The following PTPRD variants were observed in gnomAD, a reference collection of about 807,000 sequenced individuals.
PTPRD encodes receptor-type tyrosine-protein phosphatase delta.
In PTPRD, 34 loss-of-function variants were observed where a neutral mutation model predicts 214.5. The ratio of observed to expected loss-of-function variants is 0.16; its 90% CI spans 0.12 to 0.21. The LOEUF (loss-of-function observed/expected upper bound fraction) is 0.21, where lower values mean the gene tolerates loss of function less well. PTPRD is among the 10% of genes least tolerant of loss of function. The probability of loss-of-function intolerance (pLI) is 1.00; values close to 1 mark genes in which losing one functional copy is unlikely to be tolerated. For synonymous variants in PTPRD, 1,128 were observed against 845.7 expected (o/e 1.33, Z -5.79); for missense variants, 2,545 against 2,398.7 (o/e 1.06, Z -1.27).
At chr9:8,429,359 T>G (rs1158638832) in intron 35 of PTPRD, among the ~76,000 whole-genome samples, 3 of 152,130 alleles carry the variant, frequency 2.0e-5, no homozygotes, top group Non-Finnish European at 4.4e-5. Flanking sequence ...GCTCCTTACC[T>G]CTATGATGGG....
intron 9 of PTPRD, among the ~76,000 whole-genome samples, chr9:9,271,267 A>G (rs1942799352): frequency 6.6e-6 from 1 of 150,894 alleles, no homozygotes; most frequent in East Asian, 2.0e-4. Flanking sequence ...TTTTTCCTTC[A>G]AACTTATTTT....
intron 9 of PTPRD, among the ~76,000 whole-genome samples, chr9:9,233,339 A>G (rs1218821289): frequency 6.6e-6 from 1 of 152,176 alleles, no homozygotes; most frequent in East Asian, 1.9e-4. Context: ...ACTGCCCCCA[A>G]GATTCAATTA....
At chr9:9,198,902 G>A (rs1449548149) in intron 9 of PTPRD, among the ~76,000 whole-genome samples, 1 of 152,148 alleles carries the variant, frequency 6.6e-6, no homozygotes, top group Admixed American at 6.6e-5. Flanking sequence ...GTCTGCTTTT[G>A]ATTCTAAGGT....
chr9:10,394,697 G>A (rs1481917013), intron 2 of PTPRD, among the ~76,000 whole-genome samples: 2 of 151,316 alleles, frequency 1.3e-5, no homozygotes, highest in African/African-American at 4.9e-5. Flanking sequence ...TGACATCTGG[G>A]GCACAATTTT....
intron 3 of PTPRD, among the ~76,000 whole-genome samples, chr9:10,329,153 T>C (rs371633474): frequency 1.3e-5 from 2 of 151,790 alleles, no homozygotes; most frequent in Admixed American, 6.6e-5. Context: ...CTTTCCCATA[T>C]ATTCTTTTTA....
chr9:8,907,063 C>G (rs1405971958), intron 11 of PTPRD, among the ~76,000 whole-genome samples: 1 of 152,058 alleles, frequency 6.6e-6, no homozygotes, highest in Non-Finnish European at 1.5e-5. Flanking sequence ...TATCTATCAG[C>G]AGATGACATC....
intron 2 of PTPRD, among the ~76,000 whole-genome samples, chr9:10,471,292 TAATAAAAAATA>T (rs775467119): frequency 3.9e-4 from 60 of 152,196 alleles, no homozygotes; most frequent in Admixed American, 7.2e-4. Context: ...ACTTAAACTA[TAATAAAAAATA>T]AATAAAATAA....
At chr9:8,761,470 A>G (rs1373704173) in intron 11 of PTPRD, among the ~76,000 whole-genome samples, 1 of 152,192 alleles carries the variant, frequency 6.6e-6, no homozygotes, top group African/African-American at 2.4e-5. Context: ...TATAATGACC[A>G]TGGATGGAGA....
At chr9:8,485,637 A>T in intron 28 of PTPRD, 125 bp downstream of exon 28, 1 of 868,586 alleles carries the variant, frequency 1.2e-6, no homozygotes, top group Non-Finnish European at 1.7e-6. Flanking sequence ...TACATACTTT[A>T]CCTTTTTGTT....
At chr9:9,282,181 T>G (rs905072847) in intron 9 of PTPRD, among the ~76,000 whole-genome samples, 1 of 151,262 alleles carries the variant, frequency 6.6e-6, no homozygotes, top group Non-Finnish European at 1.5e-5. Context: ...GGTGGACACA[T>G]GCCATTATAC....
chr9:8,485,345 G>A (rs766091917), intron 28 of PTPRD, 21 bp from the exon 29 acceptor site: 8 of 1,566,064 alleles, frequency 5.1e-6, no homozygotes, highest in South Asian at 2.2e-5. Context: ...AGGAAAAACA[G>A]TGTATTTAAA....
chr9:9,250,985 G>A (rs1353878869), intron 9 of PTPRD, among the ~76,000 whole-genome samples: 3 of 152,028 alleles, frequency 2.0e-5, no homozygotes, highest in Non-Finnish European at 4.4e-5. Context: ...ACCAGCTTAA[G>A]AAATGTATTA....
At chr9:9,690,468 C>A (rs957205245) in intron 7 of PTPRD, among the ~76,000 whole-genome samples, 1 of 151,832 alleles carries the variant, frequency 6.6e-6, no homozygotes, top group Non-Finnish European at 1.5e-5. Flanking sequence ...CTTTACTGTG[C>A]AGAAGATGTT....
intron 3 of PTPRD, among the ~76,000 whole-genome samples, chr9:10,316,629 T>G (rs933602659): frequency 2.0e-5 from 3 of 151,970 alleles, no homozygotes; most frequent in Non-Finnish European, 4.4e-5. Flanking sequence ...TTATAGTGAA[T>G]CAACACAATT....
chr9:9,912,835 A>C (rs917689947), intron 5 of PTPRD, among the ~76,000 whole-genome samples: 1 of 152,172 alleles, frequency 6.6e-6, no homozygotes, highest in Admixed American at 6.6e-5. Context: ...ATATTGCAAG[A>C]GTTTTTATAT....
At chr9:10,347,409 C>CT (rs201173966) in intron 2 of PTPRD, among the ~76,000 whole-genome samples, 16,360 of 127,874 alleles carry the variant, frequency 0.13, 1,800 homozygotes, top group African/African-American at 0.28. Flanking sequence ...AGCTATTTGT[C>CT]TTTTTTTTTT....
chr9:8,548,512 C>G (rs994799984), intron 14 of PTPRD, among the ~76,000 whole-genome samples: 2 of 151,772 alleles, frequency 1.3e-5, no homozygotes, highest in Non-Finnish European at 2.9e-5. Flanking sequence ...GGACTACAGG[C>G]ACGCACCACC....
chr9:9,412,883 CAG>C (rs2075888451), intron 8 of PTPRD, among the ~76,000 whole-genome samples: 1 of 151,950 alleles, frequency 6.6e-6, no homozygotes, highest in Admixed American at 6.6e-5. Context: ...CTTCTGAACA[CAG>C]TGTCTTAAAA....
At chr9:9,722,940 G>A (rs139949736) in intron 7 of PTPRD, among the ~76,000 whole-genome samples, 1 of 152,102 alleles carries the variant, frequency 6.6e-6, no homozygotes, top group South Asian at 2.1e-4. Flanking sequence ...AGATGCTAAT[G>A]TCTTATTGGA....
Sources: allele counts gnomAD v4.1 joint callset (sites outside exome capture counted in the v4.1 genomes callset), GRCh38; gene constraint gnomAD v4.1.1; transcripts MANE v1.5; gene names NCBI Gene and HGNC (gene_info 2026-07-23, HGNC 2026-07-21).